Variants in SNAP91 observed in about 807,000 individuals in gnomAD.
The protein encoded by SNAP91 is synaptosome associated protein 91.
A neutral mutation model predicts 100.3 loss-of-function variants in SNAP91; 27 were observed. That is an observed-to-expected ratio of 0.27 (90% CI 0.20 to 0.37). SNAP91 has a LOEUF of 0.37. SNAP91 is among the 10% of genes least tolerant of loss of function. The probability of loss-of-function intolerance (pLI) is 1.00; values close to 1 mark genes in which losing one functional copy is unlikely to be tolerated. For synonymous variants in SNAP91, 404 were observed against 398.6 expected (o/e 1.01, Z -0.16); for missense variants, 986 against 1,123.7 (o/e 0.88, Z 1.75).
chr6:83,591,269 T>C lies in SNAP91; in HGVS notation c.1956A>G (p.Glu652=). Residue 652 remains glutamate, a synonymous_variant, in exon 22 of 30, where the codon GAA becomes GAG. Coordinates refer to ENST00000369694, the MANE Select transcript of SNAP91 (RefSeq NM_001242792.2). The part of the protein sequence containing the change: ...FGDAFGSSAS[E]PQPASQAASS... ...AAGCAGCCTGAGATGCAGGTTGGGGTTCAGAAGCACTACTTCCAAATGCAT... is the reference window on the plus strand; with the variant it reads ...AAGCAGCCTGAGATGCAGGTTGGGGCTCAGAAGCACTACTTCCAAATGCAT... 6.2e-7 allele frequency: 1 copy of C among 1,612,886 alleles called. No individual in the cohort carries two copies. The highest frequency in any genetic ancestry group is 8.5e-7 in the Non-Finnish European group (1 of 1,179,020).
intron 8 of SNAP91, among the ~76,000 whole-genome samples, chr6:83,633,444 A>G (rs1431970052): frequency 6.6e-6 from 1 of 152,060 alleles, no homozygotes; most frequent in Non-Finnish European, 1.5e-5. Context: ...AACTCCCAAG[A>G]GTATATGCCC....
intron 22 of SNAP91, among the ~76,000 whole-genome samples, chr6:83,585,832 G>C (rs572402774): frequency 8.6e-5 from 13 of 151,608 alleles, no homozygotes; most frequent in African/African-American, 2.7e-4. Context: ...TCAGTTGCAG[G>C]AGTACAATTT....
Position 83,707,879 on chromosome 6 carries a change from C to G in SNAP91, c.49G>C (p.Val17Leu), listed in dbSNP as rs1191425736. The change falls in exon 2 of 30, where the codon GTT (valine) becomes CTT (leucine). Residue 17 changes from valine to leucine, a missense_variant. Val to Leu is a conservative substitution (Grantham distance 32, BLOSUM62 1). Around this residue, in one of 4 missense-constraint regions of SNAP91, gnomAD observed 330 missense variants for 447.5 expected, o/e 0.74. Coordinates refer to ENST00000369694, the MANE Select transcript of SNAP91 (RefSeq NM_001242792.2). ...TDRIAAAQYS[V>L]TGSAVARAVC... ...GCTCTTGCTACAGCAGAGCCTGTAACGCTGTACTGAGCGGCGGCGATCCGA... is the reference window on the plus strand; with the variant it reads ...GCTCTTGCTACAGCAGAGCCTGTAAGGCTGTACTGAGCGGCGGCGATCCGA... 1 of 1,608,338 alleles carries G rather than the reference C, an allele frequency of 6.2e-7. No homozygotes were observed. Among genetic ancestry groups the G allele is most frequent in the Admixed American group, 1.7e-5 (1 of 58,540 alleles).
intron 6 of SNAP91, 44 bp from the exon 7 acceptor site, chr6:83,656,909 T>C (rs2098419709): frequency 1.2e-6 from 1 of 820,974 alleles, no homozygotes; most frequent in African/African-American, 1.8e-5. Context: ...TATCATTAAG[T>C]CTTAATTTTT....
At chr6:83,617,082 T>G in intron 9 of SNAP91, 43 bp from the exon 10 acceptor site, 1 of 1,346,704 alleles carries the variant, frequency 7.4e-7, no homozygotes, top group Non-Finnish European at 1.0e-6. Flanking sequence ...TTGTTTACTT[T>G]CAATGTAAAC....
At chr6:83,703,959 G>A (rs1328020302) in intron 2 of SNAP91, among the ~76,000 whole-genome samples, 3 of 152,160 alleles carry the variant, frequency 2.0e-5, no homozygotes, top group African/African-American at 7.2e-5. Flanking sequence ...ACATGGCAGG[G>A]CTGCAAAACT....
intron 4 of SNAP91, 67 bp from the exon 5 acceptor site, chr6:83,661,671 C>T: frequency 1.2e-6 from 1 of 867,416 alleles, no homozygotes; most frequent in Non-Finnish European, 1.8e-6. Context: ...TTGCATAGTA[C>T]TATTTTTTTT....
chr6:83,641,241 TTA>T (rs2097688983), intron 7 of SNAP91, 39 bp from the exon 8 acceptor site: 1 of 904,596 alleles, frequency 1.1e-6, no homozygotes, highest in Non-Finnish European at 1.6e-6. Flanking sequence ...GAAAAGAGTA[TTA>T]TGTTCTATTT....
At chr6:83,691,436 T>C (rs1194668303) in intron 2 of SNAP91, among the ~76,000 whole-genome samples, 1 of 152,160 alleles carries the variant, frequency 6.6e-6, no homozygotes, top group Non-Finnish European at 1.5e-5. Flanking sequence ...AGTCCAAATA[T>C]ATTTCACTGT....
intron 8 of SNAP91, among the ~76,000 whole-genome samples, chr6:83,632,687 C>G (rs565310568): frequency 6.6e-6 from 1 of 152,262 alleles, no homozygotes; most frequent in Admixed American, 6.5e-5. Context: ...CTGAGACTTT[C>G]CAGAGCATTT....
At chr6:83,678,493 T>C (rs936959873) in intron 2 of SNAP91, among the ~76,000 whole-genome samples, 5 of 152,204 alleles carry the variant, frequency 3.3e-5, no homozygotes, top group African/African-American at 1.2e-4. Context: ...ATCAGTTTTC[T>C]GTTCCAATCA....
chr6:83,614,069 G>C (rs1271312050), intron 11 of SNAP91, among the ~76,000 whole-genome samples: 2 of 152,054 alleles, frequency 1.3e-5, no homozygotes, highest in Non-Finnish European at 2.9e-5. Flanking sequence ...CTGTCAAATA[G>C]AATATTTTGT....
chr6:83,592,206 A>G (rs948962141), intron 21 of SNAP91, among the ~76,000 whole-genome samples: 1 of 152,178 alleles, frequency 6.6e-6, no homozygotes, highest in African/African-American at 2.4e-5. Context: ...TGAAGAACAA[A>G]AAGTTGAAAA....
intron 4 of SNAP91, 52 bp from the exon 5 acceptor site, chr6:83,661,656 G>A: frequency 1.0e-5 from 11 of 1,055,658 alleles, no homozygotes; most frequent in African/African-American, 1.6e-5. Flanking sequence ...ACCTTCAACT[G>A]TGCTTTGCAT....
Position 83,694,204 on chromosome 6 carries a change from C to G in SNAP91, c.130+13594G>C, listed in dbSNP as rs547951325. On this transcript the variant is annotated intron_variant, in intron 2 of 29. Coordinates refer to ENST00000369694, the MANE Select transcript of SNAP91 (RefSeq NM_001242792.2). ...ACTCACAACTAGGCTTCATCTCCAG[C>G]ATTTCCTGCATTTGGATGAGGCCAT... Among the ~76,000 whole-genome samples the G allele has an allele frequency of 3.9e-5, 6 of 152,344 alleles. No homozygotes were observed. In the East Asian group the frequency reaches 1.2e-3, roughly 29 times the overall value.
intron 26 of SNAP91, among the ~76,000 whole-genome samples, chr6:83,562,684 G>T (rs993349108): frequency 6.6e-6 from 1 of 152,010 alleles, no homozygotes; most frequent in Non-Finnish European, 1.5e-5. Context: ...GTGCATATAC[G>T]CCACAACAAC....
chr6:83,657,930 CTTT>C (rs536763578), intron 6 of SNAP91, among the ~76,000 whole-genome samples: 3 of 106,110 alleles, frequency 2.8e-5, no homozygotes, highest in South Asian at 3.6e-4. Flanking sequence ...CCACACCTTG[CTTT>C]TTTTTTTTTT....
At chr6:83,665,918 C>T (rs563621432) in intron 2 of SNAP91, among the ~76,000 whole-genome samples, 2 of 152,170 alleles carry the variant, frequency 1.3e-5, no homozygotes, top group East Asian at 3.9e-4. Context: ...TTCTTTGTTA[C>T]TGCTATAAGC....
chr6:83,591,130 A>G, intron 22 of SNAP91, 81 bp downstream of exon 22: 1 of 936,490 alleles, frequency 1.1e-6, no homozygotes, highest in Non-Finnish European at 1.7e-6. Context: ...GCACCCTGCA[A>G]TTTATGTAAT....
Sources: allele counts gnomAD v4.1 joint callset (sites outside exome capture counted in the v4.1 genomes callset), GRCh38; gene constraint gnomAD v4.1.1; regional missense constraint gnomAD v4.1.1; transcripts MANE v1.5; gene names NCBI Gene and HGNC (gene_info 2026-07-23, HGNC 2026-07-21).